Variants in SGCZ observed in about 807,000 individuals in gnomAD.
The protein encoded by SGCZ is zeta-sarcoglycan.
In SGCZ, 40 loss-of-function variants were observed where a neutral mutation model predicts 41.3. That is an observed-to-expected ratio of 0.97 (90% CI 0.75 to 1.26). SGCZ has a LOEUF of 1.26. Ranked by LOEUF, SGCZ falls within the 50% of genes most tolerant of loss-of-function variation. The probability of loss-of-function intolerance (pLI) is 0.00; values close to 1 mark genes in which losing one functional copy is unlikely to be tolerated. For synonymous variants in SGCZ, 206 were observed against 137.5 expected, an observed-to-expected ratio of 1.50 and a Z score of -3.49; for missense variants, 552 against 369.8, an observed-to-expected ratio of 1.49 and a Z score of -4.04.
At chr8:14,240,606 C>T (rs915506699) in intron 3 of SGCZ, among the ~76,000 whole-genome samples, 1 of 151,962 alleles carries the variant, frequency 6.6e-6, no homozygotes, top group Admixed American at 6.6e-5. Context: ...GTGAGTTATT[C>T]TCTATGCTGT....
chr8:14,636,832 A>G (rs940812692), intron 1 of SGCZ, among the ~76,000 whole-genome samples: 7 of 151,948 alleles, frequency 4.6e-5, no homozygotes, highest in Admixed American at 4.0e-4. Context: ...GCCTTAAAAC[A>G]AAAACAAAAG....
chr8:14,899,567 C>A (rs1798890462), intron 1 of SGCZ, among the ~76,000 whole-genome samples: 1 of 152,152 alleles, frequency 6.6e-6, no homozygotes, highest in Non-Finnish European at 1.5e-5. Flanking sequence ...GCCCTTCACA[C>A]TTCCCACTGC....
intron 2 of SGCZ, among the ~76,000 whole-genome samples, chr8:14,455,670 T>C (rs6651380): frequency 0.072 from 10,936 of 152,214 alleles, 1,309 homozygotes; most frequent in African/African-American, 0.25. Context: ...TGTGTTTTAT[T>C]TGCAATCACA....
Position 14,551,475 on chromosome 8 carries a change from ATATATTATATATATTATATATAT to A in SGCZ, c.234+3234_234+3256del, listed in dbSNP as rs1563404164. On this transcript the variant is annotated intron_variant, in intron 2 of 7. Transcript: ENST00000382080. ...ATATATTATATATATTATATATATT[ATATATTATATATATTATATATAT>A]TATATATATTATATATATTATATAT... 9.0e-3 allele frequency among the ~76,000 whole-genome samples: 146 copies of A among 16,216 alleles called. 7 individuals carry two copies. The highest frequency in any genetic ancestry group is 0.018 in the Non-Finnish European group (58 of 3,232). The allele number at this position is 16,216 out of a possible 152,430, so 10.6% of individuals were successfully genotyped here.
At chr8:14,233,531 C>A (rs1451524315) in intron 4 of SGCZ, among the ~76,000 whole-genome samples, 1 of 149,162 alleles carries the variant, frequency 6.7e-6, no homozygotes, top group East Asian at 1.9e-4. Context: ...TAAACAAAGT[C>A]TGTATAAAAA....
chr8:14,684,262 A>AT (rs1265103022), intron 1 of SGCZ, among the ~76,000 whole-genome samples: 4 of 152,096 alleles, frequency 2.6e-5, no homozygotes, highest in Non-Finnish European at 4.4e-5. Flanking sequence ...CAGTTTAATA[A>AT]TTTTTCTATA....
chr8:15,205,646 A>T (rs1358426893), intron 1 of SGCZ, among the ~76,000 whole-genome samples: 1 of 152,190 alleles, frequency 6.6e-6, no homozygotes, highest in African/African-American at 2.4e-5. Context: ...ACGCGTATAC[A>T]CTGATACACT....
intron 1 of SGCZ, among the ~76,000 whole-genome samples, chr8:15,028,337 T>A (rs1011225674): frequency 6.6e-6 from 1 of 151,988 alleles, no homozygotes; most frequent in African/African-American, 2.4e-5. Flanking sequence ...GTCAGTTTCA[T>A]AAGGAACACT....
chr8:14,230,744 C>T (rs1025322658), intron 4 of SGCZ, among the ~76,000 whole-genome samples: 1 of 134,060 alleles, frequency 7.5e-6, no homozygotes, highest in African/African-American at 2.6e-5. Context: ...GTCTTCTTTC[C>T]TTCTTTTTTT....
intron 1 of SGCZ, among the ~76,000 whole-genome samples, chr8:14,853,787 A>C (rs1385633058): frequency 1.3e-5 from 2 of 151,918 alleles, no homozygotes; most frequent in Non-Finnish European, 2.9e-5. Flanking sequence ...AGGCTTTTCT[A>C]ACTACTGTTG....
At chr8:14,374,452 G>A (rs907993917) in intron 2 of SGCZ, among the ~76,000 whole-genome samples, 1 of 152,122 alleles carries the variant, frequency 6.6e-6, no homozygotes, top group Admixed American at 6.5e-5. Flanking sequence ...AGAATTTGAT[G>A]TAATTCTTAA....
At chr8:14,567,794 A>G (rs1804420632) in intron 1 of SGCZ, among the ~76,000 whole-genome samples, 1 of 152,106 alleles carries the variant, frequency 6.6e-6, no homozygotes, top group Admixed American at 6.5e-5. Context: ...GGGAGGAATG[A>G]ACACCTCCAG....
intron 2 of SGCZ, among the ~76,000 whole-genome samples, chr8:14,379,892 C>T (rs976786749): frequency 6.6e-6 from 1 of 151,910 alleles, no homozygotes; most frequent in Non-Finnish European, 1.5e-5. Flanking sequence ...CCACCACGCC[C>T]GCCTACTTTT....
At chr8:14,687,998 G>C (rs1808672653) in intron 1 of SGCZ, among the ~76,000 whole-genome samples, 1 of 152,110 alleles carries the variant, frequency 6.6e-6, no homozygotes, top group Non-Finnish European at 1.5e-5. Flanking sequence ...GTCTTCTTTT[G>C]AGAAGTGTCT....
intron 4 of SGCZ, among the ~76,000 whole-genome samples, chr8:14,214,423 A>G (rs1805921668): frequency 6.6e-6 from 1 of 152,128 alleles, no homozygotes; most frequent in Non-Finnish European, 1.5e-5. Flanking sequence ...ATATACTATG[A>G]TCTTAAGCTA....
intron 3 of SGCZ, among the ~76,000 whole-genome samples, chr8:14,290,076 C>T (rs969718100): frequency 2.6e-5 from 4 of 152,008 alleles, no homozygotes; most frequent in Non-Finnish European, 4.4e-5. Context: ...CCACCAGGTC[C>T]CTCCCTTGAC....
At chr8:14,559,958 A>G (rs776275623) in intron 1 of SGCZ, among the ~76,000 whole-genome samples, 8 of 152,172 alleles carry the variant, frequency 5.3e-5, no homozygotes, top group Non-Finnish European at 1.0e-4. Flanking sequence ...CATAAGTGTT[A>G]TAACAGATGA....
intron 3 of SGCZ, among the ~76,000 whole-genome samples, chr8:14,267,792 A>G (rs1799925007): frequency 6.6e-6 from 1 of 152,064 alleles, no homozygotes; most frequent in African/African-American, 2.4e-5. Flanking sequence ...TGCTGCATAT[A>G]TTTAAGAATC....
intron 2 of SGCZ, among the ~76,000 whole-genome samples, chr8:14,328,788 A>C (rs185982760): frequency 6.6e-6 from 1 of 152,174 alleles, no homozygotes; most frequent in Non-Finnish European, 1.5e-5. Flanking sequence ...TAAGAGGTGG[A>C]GGCTTTAAGA....
Sources: allele counts gnomAD v4.1 joint callset (sites outside exome capture counted in the v4.1 genomes callset), GRCh38; gene constraint gnomAD v4.1.1; transcripts MANE v1.5; gene names NCBI Gene and HGNC (gene_info 2026-07-23, HGNC 2026-07-21).